ZSCAN32: variants seen among roughly 807,000 people sequenced by gnomAD.
The protein encoded by ZSCAN32 is zinc finger and SCAN domain containing 32, also known as zinc finger and SCAN domain-containing protein 32.
In ZSCAN32, 52 loss-of-function variants were observed where a neutral mutation model predicts 47.4. The ratio of observed to expected loss-of-function variants is 1.10; its 90% confidence interval spans 0.88 to 1.38. The LOEUF is 1.38. ZSCAN32 is among the 40% of genes most tolerant of loss of function. The pLI is 0.00. For missense variants in ZSCAN32, 959 were observed against 846.0 expected (o/e 1.13, Z -1.66); for synonymous variants, 346 against 305.7 (o/e 1.13, Z -1.38).
chr16:3,384,590 T>G lies in ZSCAN32; in HGVS notation c.1103A>C (p.His368Pro). Residue 368 changes from histidine to proline, a missense_variant, in exon 6 of 7, where the codon CAC becomes CCC. Transcript: ENST00000396852. ...TACCTCCGTGGGTTCCCCATTCTGG[T>G]GATTCAGCTCTCCAGCCTCAATATC... ...GSDIEAGELN[H>P]QNGEPTEVED... The G allele has an allele frequency of 6.2e-7, 1 of 1,614,188 alleles. No homozygotes were observed. The highest frequency in any genetic ancestry group is 8.5e-7 in the Non-Finnish European group (1 of 1,180,022).
At position 3,384,770 on chromosome 16, in the gene ZSCAN32, G is replaced by A; in HGVS notation, c.923C>T (p.Thr308Ile). 6.2e-7 allele frequency: 1 copy of A among 1,614,172 alleles called. No individual in the cohort carries two copies. The highest frequency in any genetic ancestry group is 1.1e-5 in the South Asian group (1 of 91,086). The change falls in exon 6 of 7, where the codon ACC (threonine) becomes ATC (isoleucine). Residue 308 changes from threonine to isoleucine, a missense_variant. Transcript: ENST00000396852. ...GFLRTPEQCR[T>I]KFKSLQLSYR... The stretch of plus-strand genomic sequence containing the variant: ...ACTCAACTGTAGGCTTTTGAACTTG[G>A]TGCGACACTGTTCTGGGGTCCGCAG...
chr16:3,388,401 C>G (rs1190853921), intron 5 of ZSCAN32, among the ~76,000 whole-genome samples: 1 of 152,224 alleles, frequency 6.6e-6, no homozygotes, highest in Non-Finnish European at 1.5e-5. Flanking sequence ...AAACTGAAAA[C>G]TGCAAACCAA....
In ZSCAN32 at chr16:3,393,157, T is replaced by G. The variant is rs561929837; in HGVS notation, c.532+492A>C. 3.0e-3 allele frequency among the ~76,000 whole-genome samples: 320 copies of G among 106,474 alleles called. 1 individual carries two copies. The highest frequency in any genetic ancestry group is 4.4e-3 in the Non-Finnish European group (249 of 56,582). 69.9% of individuals were successfully genotyped at this position (106,474 alleles called of 152,430 possible). A position where few individuals can be genotyped will look rare whatever the true frequency, so the allele number is the denominator to read the frequency against. On this transcript the variant is annotated intron_variant, in intron 3 of 6. Coordinates refer to ENST00000396852, the MANE Select transcript of ZSCAN32 (RefSeq NM_001284527.2). ...TCTTGCTTTTGGATATGGAGAGAGA[T>G]ATATATATATTTCTATATATATATT...
chr16:3,390,632 G>T (rs1194845018), intron 3 of ZSCAN32, 115 bp from the exon 4 acceptor site: 1 of 804,810 alleles, frequency 1.2e-6, no homozygotes, highest in Non-Finnish European at 1.9e-6. Flanking sequence ...CAACCCATCA[G>T]AAATACAAAT....
At chr16:3,386,241 A>G (rs1282350542) in intron 5 of ZSCAN32, among the ~76,000 whole-genome samples, 2 of 152,218 alleles carry the variant, frequency 1.3e-5, no homozygotes, top group Non-Finnish European at 1.5e-5. Context: ...CTACAATGAG[A>G]TACCATCTCA....
intron 1 of ZSCAN32, among the ~76,000 whole-genome samples, chr16:3,398,186 T>C (rs2033555400): frequency 1.3e-5 from 2 of 152,148 alleles, no homozygotes; most frequent in East Asian, 3.8e-4. Context: ...GTCACAAGAT[T>C]TGCAACTTCC....
Position 3,390,440 on chromosome 16 carries a change from A to G in ZSCAN32, c.610T>C (p.Trp204Arg), listed in dbSNP as rs879155783. The change falls in exon 4 of 7, where the codon TGG (tryptophan) becomes CGG (arginine). Residue 204 changes from tryptophan (W) to arginine (R), a missense_variant. Coordinates refer to ENST00000396852, the MANE Select transcript of ZSCAN32 (RefSeq NM_001284527.2). Reference sequence around the variant, plus strand: ...CAGCTCACCTGGGACCCAGCTGTCCAGACCACAGCACCTGTCTCCTGGTCG... The same window carrying G: ...CAGCTCACCTGGGACCCAGCTGTCCGGACCACAGCACCTGTCTCCTGGTCG... ...LHDQETGAVV[W>R]TAGSQGPAMR... is the part of the protein sequence containing the mutation. 1.3e-6 allele frequency: 2 copies of G among 1,550,136 alleles called. No homozygotes were observed. Among genetic ancestry groups the G allele is most frequent in the South Asian group, 2.4e-5 (2 of 84,040 alleles).
chr16:3,398,916 C>T (rs2033625697), intron 1 of ZSCAN32, among the ~76,000 whole-genome samples: 1 of 152,180 alleles, frequency 6.6e-6, no homozygotes, highest in East Asian at 1.9e-4. Context: ...GCAGCATCTT[C>T]TTCCTTTGTG....
chr16:3,386,252 C>A (rs2031973444), intron 5 of ZSCAN32, among the ~76,000 whole-genome samples: 1 of 152,194 alleles, frequency 6.6e-6, no homozygotes. Flanking sequence ...TACCATCTCA[C>A]ACCAGTTAGA....
At position 3,382,923 on chromosome 16, in the gene ZSCAN32, C is replaced by A. The variant is rs1349228949; in HGVS notation, c.2023G>T (p.Ala675Ser). 6.2e-7 allele frequency: 1 copy of A among 1,612,142 alleles called. No homozygotes were observed. The highest frequency in any genetic ancestry group is 1.3e-5 in the African/African-American group (1 of 74,836). The change falls in exon 7 of 7, where the codon GCC becomes TCC. Residue 675 changes from alanine (A) to serine (S), a missense_variant. By Grantham distance (99) the Ala-to-Ser change is moderately conservative. Coordinates refer to ENST00000396852, the MANE Select transcript of ZSCAN32 (RefSeq NM_001284527.2). ...HCERGFTKNS[A>S]LTRHQTVHMK... ...TGTACTGTCTGATGACGGGTGAGGG[C>A]AGAGTTCTTAGTGAAGCCTCTCTCA...
chr16:3,384,783 C>G lies in ZSCAN32; in HGVS notation c.910G>C (p.Glu304Gln), dbSNP rs766191136. 8.1e-6 allele frequency: 13 copies of G among 1,614,192 alleles called. No individual in the cohort carries two copies. The highest frequency in any genetic ancestry group is 1.1e-5 in the Non-Finnish European group (13 of 1,180,022). ...CTTTTGAACTTGGTGCGACACTGTT[C>G]TGGGGTCCGCAGAAAACCCTGCTCC... is the stretch of plus-strand genomic sequence containing the variant. ...LWEQGFLRTP[E>Q]QCRTKFKSLQ... Residue 304 changes from glutamate to glutamine, a missense_variant, in exon 6 of 7, where the codon GAA becomes CAA. By Grantham distance (29) the Glu-to-Gln change is conservative (BLOSUM62 2). Transcript: ENST00000396852.
intron 5 of ZSCAN32, 46 bp from the exon 6 acceptor site, chr16:3,384,987 G>C: frequency 1.3e-6 from 2 of 1,582,818 alleles, no homozygotes; most frequent in Non-Finnish European, 1.7e-6. Context: ...GTTAGATCAT[G>C]GAGGACTGTA....
chr16:3,388,370 T>C (rs2032257828), intron 5 of ZSCAN32, among the ~76,000 whole-genome samples: 1 of 152,206 alleles, frequency 6.6e-6, no homozygotes, highest in Non-Finnish European at 1.5e-5. Context: ...ATTTTCTCAG[T>C]GAGGGCGACC....
At chr16:3,393,461 G>C (rs1596222394) in intron 3 of ZSCAN32, among the ~76,000 whole-genome samples, 188 bp downstream of exon 3, 2 of 150,232 alleles carry the variant, frequency 1.3e-5, no homozygotes, top group South Asian at 4.2e-4. Context: ...CCTGACCTCA[G>C]GTGATCCGCC....
chr16:3,392,184 G>C (rs2032784429), intron 3 of ZSCAN32, among the ~76,000 whole-genome samples: 1 of 152,130 alleles, frequency 6.6e-6, no homozygotes, highest in African/African-American at 2.4e-5. Flanking sequence ...GTCCACAACA[G>C]GTAAATCCAT....
At chr16:3,391,430 C>A (rs2032683722) in intron 3 of ZSCAN32, among the ~76,000 whole-genome samples, 1 of 152,296 alleles carries the variant, frequency 6.6e-6, no homozygotes, top group African/African-American at 2.4e-5. Context: ...GTAATCCCAG[C>A]ACTTTGGGAG....
chr16:3,386,891 T>G (rs1415446548), intron 5 of ZSCAN32, among the ~76,000 whole-genome samples: 1 of 150,570 alleles, frequency 6.6e-6, no homozygotes, highest in African/African-American at 2.5e-5. Flanking sequence ...TGTATACATA[T>G]GTAACTAACC....
chr16:3,385,185 G>T (rs1355724185), intron 5 of ZSCAN32, among the ~76,000 whole-genome samples: 1 of 152,094 alleles, frequency 6.6e-6, no homozygotes, highest in African/African-American at 2.4e-5. Context: ...AAATAGCTGG[G>T]TGTGGTGCCG....
intron 1 of ZSCAN32, among the ~76,000 whole-genome samples, chr16:3,398,959 A>G (rs1326707908): frequency 6.6e-6 from 1 of 152,186 alleles, no homozygotes; most frequent in African/African-American, 2.4e-5. Context: ...GTGGTGGCTC[A>G]CGCTTGCAAT....
Sources: gnomAD v4.1 joint callset for allele counts (sites outside exome capture counted in the v4.1 genomes callset) on GRCh38, gnomAD v4.1.1 for gene constraint, MANE v1.5 for transcripts, NCBI Gene and HGNC (gene_info 2026-07-23, HGNC 2026-07-21) for gene names.